Variants in MACF1 observed in about 807,000 individuals in gnomAD.
The protein encoded by MACF1 is microtubule-actin cross-linking factor 1.
MACF1 carries 193 observed loss-of-function variants against 854.8 expected under a neutral mutation model. The observed-to-expected ratio is 0.23, with a 90% CI of 0.20 to 0.25. The LOEUF is 0.25. Among genes scored for constraint, MACF1 ranks in the 10% least tolerant of loss-of-function variants. The pLI is 1.00. For missense variants in MACF1, 7,722 were observed against 8,929.1 expected (o/e 0.86, Z 5.45); for synonymous variants, 3,185 against 3,226.7 (o/e 0.99, Z 0.44).
upstream of MACF1, among the ~76,000 whole-genome samples, chr1:39,202,460 C>T (rs1487905929): frequency 2.0e-5 from 3 of 151,402 alleles, no homozygotes; most frequent in African/African-American, 7.3e-5. Flanking sequence ...TGCGGTGAAA[C>T]CCCATCTCTA....
At chr1:39,451,350 A>G in intron 85 of MACF1, 139 bp downstream of exon 85, 2 of 899,074 alleles carry the variant, frequency 2.2e-6, no homozygotes, top group Non-Finnish European at 3.1e-6. Context: ...GTGTTTAAAC[A>G]AACTGTTGCT....
intron 14 of MACF1, 47 bp from the exon 15 acceptor site, chr1:39,287,239 A>G: frequency 6.4e-7 from 1 of 1,573,730 alleles, no homozygotes; most frequent in Non-Finnish European, 8.7e-7. Context: ...TTTAAAAACT[A>G]TACTATAGAT....
rs111306241 is a variant in MACF1 at position 39,461,252 on chromosome 1, T to A, written c.21523+458T>A. The stretch of plus-strand genomic sequence containing the variant: ...ACAATAATCTAAACATAGGAAAACT[T>A]CATGCTATTCCAAACTGTCACTATT... On this transcript the variant is annotated intron_variant, in intron 92 of 100. Coordinates refer to ENST00000564288, the MANE Select transcript of MACF1 (RefSeq NM_001394062.1). Among the ~76,000 whole-genome samples the A allele has an allele frequency of 3.1e-3, 467 of 152,274 alleles. 3 individuals are homozygous for A. The highest frequency in any genetic ancestry group is 6.8e-3 in the Middle Eastern group (2 of 294).
At chr1:39,294,406 T>C (rs1645858448) in intron 18 of MACF1, among the ~76,000 whole-genome samples, 1 of 152,234 alleles carries the variant, frequency 6.6e-6, no homozygotes, top group Non-Finnish European at 1.5e-5. Flanking sequence ...CTTTAGACAG[T>C]TTAATTCTAT....
At chr1:39,118,801 C>A (rs930402824) in intron 2 of MACF1, among the ~76,000 whole-genome samples, 2 of 152,164 alleles carry the variant, frequency 1.3e-5, no homozygotes, top group Non-Finnish European at 2.9e-5. Flanking sequence ...GTATTTGTTG[C>A]TGTCGTTAGT....
chr1:39,268,785 C>T lies in MACF1; in HGVS notation c.528+10757C>T, dbSNP rs78866955. On this transcript the variant is annotated intron_variant, in intron 6 of 100. Coordinates refer to ENST00000564288, the MANE Select transcript of MACF1 (RefSeq NM_001394062.1). Reference sequence around the variant, plus strand: ...TCCCATATCTCCTAAGAAAAGGGTTCGGTTCAAAAGGAGGTGGAGAGGGAA... The same window carrying T: ...TCCCATATCTCCTAAGAAAAGGGTTTGGTTCAAAAGGAGGTGGAGAGGGAA... 2,965 of 1,289,558 alleles carry T rather than the reference C, an allele frequency of 2.3e-3. 60 individuals are homozygous for T. The African/African-American group carries it at 0.04, about 17-fold the overall frequency. The allele number at this position is 1,289,558 out of a possible 1,614,324, so 79.9% of individuals were successfully genotyped here. A position where few individuals can be genotyped will look rare whatever the true frequency, so the allele number is the denominator to read the frequency against.
rs375379796 is a variant in MACF1 at position 39,387,325 on chromosome 1, G to A, written c.14483G>A (p.Arg4828Gln). 49 of 1,614,152 alleles carry A rather than the reference G, an allele frequency of 3.0e-5. No individual in the cohort carries two copies. The highest frequency in any genetic ancestry group is 6.7e-5 in the African/African-American group (5 of 75,042). ...TGCCCAATTTCTGCAAAATTGGAGC[G>A]GCTACAGTCTCAGCTACAGGAGAAT... ...KNCPISAKLE[R>Q]LQSQLQENEE... The change falls in exon 58 of 101, where the codon CGG (arginine) becomes CAG (glutamine). Residue 4828 changes from arginine to glutamine, a missense_variant. Transcript: ENST00000564288.
rs1331799204 is a variant in MACF1, at chr1:39,357,575, TCAGGATGAGTTG to T, written c.11629_11640del (p.Asp3877_Gln3880del). On this transcript the variant is annotated inframe_deletion, in exon 45 of 101. Transcript: ENST00000564288. ...CAGAACTGAAGCAGGTGCAGACACTTCAGGATGAGTTGCAGAAATTTCTGCAGGATCATAAAG... is the reference window on the plus strand; with the variant it reads ...CAGAACTGAAGCAGGTGCAGACACTTCAGAAATTTCTGCAGGATCATAAAG... The T allele has an allele frequency of 9.9e-6, 16 of 1,614,004 alleles. No homozygotes were observed. Among genetic ancestry groups the T allele is most frequent in the Non-Finnish European group, 1.4e-5 (16 of 1,180,034 alleles).
intron 2 of MACF1, among the ~76,000 whole-genome samples, chr1:39,099,330 T>A (rs1448921457): frequency 6.6e-6 from 1 of 152,200 alleles, no homozygotes; most frequent in Non-Finnish European, 1.5e-5. Flanking sequence ...TAATTTTTTG[T>A]ATTTTTAGTA....
At position 39,300,349 on chromosome 1, in the gene MACF1, A is replaced by G. The variant is rs1646013062; in HGVS notation, c.2621A>G (p.Tyr874Cys). Residue 874 changes from tyrosine (Y) to cysteine (C), a missense_variant, in exon 22 of 101, where the codon TAC becomes TGC. Tyr to Cys is a radical substitution (Grantham distance 194, BLOSUM62 -2). Transcript: ENST00000564288. ...NTISVKAVCD[Y>C]RQIEITICKN... is the part of the protein sequence containing the mutation. The stretch of plus-strand genomic sequence containing the variant: ...ATTTCTGTCAAGGCTGTCTGTGACT[A>G]CAGGCAGATCGAGGTGAGGAGGTAG... The G allele has an allele frequency of 1.1e-5, 18 of 1,614,040 alleles. No homozygotes were observed. Among genetic ancestry groups the G allele is most frequent in the Non-Finnish European group, 1.5e-5 (18 of 1,179,970 alleles).
intron 2 of MACF1, among the ~76,000 whole-genome samples, chr1:39,177,247 T>A (rs1186558886): frequency 6.6e-6 from 1 of 152,198 alleles, no homozygotes; most frequent in African/African-American, 2.4e-5. Flanking sequence ...GCGATTCTCC[T>A]GCCTCAGCCT....
chr1:39,209,398 C>A (rs903634722), intron 1 of MACF1, among the ~76,000 whole-genome samples: 2 of 152,078 alleles, frequency 1.3e-5, no homozygotes, highest in African/African-American at 4.8e-5. Context: ...CAGAGTTGCC[C>A]TGTGTTTTAT....
intron 6 of MACF1, among the ~76,000 whole-genome samples, chr1:39,262,397 CAAAAAAAAAAA>C (rs56376033): frequency 2.9e-5 from 2 of 68,804 alleles, no homozygotes; most frequent in Non-Finnish European, 4.9e-5. Flanking sequence ...GACTCCATCA[CAAAAAAAAAAA>C]AAAAAAAAAA....
chr1:39,282,203 G>A lies in MACF1; in HGVS notation c.529-5G>A. 1 of 1,612,828 alleles carries A rather than the reference G, an allele frequency of 6.2e-7. No homozygotes were observed. Among genetic ancestry groups the A allele is most frequent in the Non-Finnish European group, 8.5e-7 (1 of 1,179,264 alleles). On this transcript the variant is annotated splice_region_variant and splice_polypyrimidine_tract_variant and intron_variant, in intron 6 of 100. Transcript: ENST00000564288. ...TGAATTATTCTGTGTCCCATCTTTTGGCAGATCTCTGACATCTACATTAGT... is the reference window on the plus strand; with the variant it reads ...TGAATTATTCTGTGTCCCATCTTTTAGCAGATCTCTGACATCTACATTAGT...
chr1:39,423,640 A>G (rs941421576), intron 60 of MACF1, among the ~76,000 whole-genome samples: 4 of 151,798 alleles, frequency 2.6e-5, no homozygotes, highest in African/African-American at 9.7e-5. Context: ...GTCTCAAAAA[A>G]AAAAAAAAAA....
At chr1:39,269,676 C>T in intron 6 of MACF1, 1 of 1,289,754 alleles carries the variant, frequency 7.8e-7, no homozygotes, top group African/African-American at 1.5e-5. Context: ...GGATGGCACT[C>T]TTTCTCTGGA....
At chr1:39,389,359 T>TTG (rs1553340936) in intron 58 of MACF1, among the ~76,000 whole-genome samples, 3 of 123,766 alleles carry the variant, frequency 2.4e-5, no homozygotes, top group Non-Finnish European at 3.2e-5. Context: ...GTGTTTTTTT[T>TTG]TTTTTTTTTT....
chr1:39,464,977 T>A (rs1321764585), intron 94 of MACF1, 118 bp from the exon 95 acceptor site: 2 of 896,526 alleles, frequency 2.2e-6, no homozygotes, highest in Non-Finnish European at 3.7e-6. Context: ...GTTCAGTGTG[T>A]GTCACTTTGC....
chr1:39,227,723 C>T (rs564638238), intron 1 of MACF1, among the ~76,000 whole-genome samples: 8 of 152,340 alleles, frequency 5.3e-5, no homozygotes, highest in South Asian at 4.1e-4. Context: ...CATCCTATCT[C>T]GCCACTACCT....
Sources: allele counts gnomAD v4.1 joint callset (sites outside exome capture counted in the v4.1 genomes callset), GRCh38; gene constraint gnomAD v4.1.1; transcripts MANE v1.5; gene names NCBI Gene and HGNC (gene_info 2026-07-23, HGNC 2026-07-21).